Variants in NTRK2 observed in about 807,000 individuals in gnomAD.
The protein encoded by NTRK2 is neurotrophic receptor tyrosine kinase 2.
NTRK2 carries 13 observed loss-of-function variants against 94.5 expected under a neutral mutation model. That is an observed-to-expected ratio of 0.14 (90% confidence interval 0.09 to 0.22). The LOEUF is 0.22. NTRK2 is among the 10% of genes least tolerant of loss of function. NTRK2 has a pLI of 1.00. For synonymous variants in NTRK2, 372 were observed against 407.4 expected, an observed-to-expected ratio of 0.91 and a Z score of 1.05; for missense variants, 639 against 1,071.2, an observed-to-expected ratio of 0.60 and a Z score of 5.63.
intron 14 of NTRK2, among the ~76,000 whole-genome samples, chr9:84,883,014 G>A (rs898480186): frequency 6.6e-6 from 1 of 152,074 alleles, no homozygotes; most frequent in Non-Finnish European, 1.5e-5. Context: ...TGATCTGCCC[G>A]CCTCAGCCTC....
chr9:84,941,912 C>G (rs1044228584), intron 15 of NTRK2, among the ~76,000 whole-genome samples: 1 of 152,174 alleles, frequency 6.6e-6, no homozygotes, highest in African/African-American at 2.4e-5. Flanking sequence ...AACTTAACCT[C>G]CTGTTTCCCT....
At chr9:85,012,381 C>T (rs1332785390) in intron 17 of NTRK2, among the ~76,000 whole-genome samples, 1 of 152,086 alleles carries the variant, frequency 6.6e-6, no homozygotes, top group Non-Finnish European at 1.5e-5. Flanking sequence ...TCTTAGCAAA[C>T]ACGGTCACTT....
At chr9:84,964,788 C>T (rs745691601) in intron 17 of NTRK2, among the ~76,000 whole-genome samples, 1 of 152,108 alleles carries the variant, frequency 6.6e-6, no homozygotes, top group Non-Finnish European at 1.5e-5. Flanking sequence ...ACATATGAAG[C>T]CATTTTTTGG....
intron 14 of NTRK2, among the ~76,000 whole-genome samples, chr9:84,923,914 A>C (rs1009721321): frequency 6.6e-6 from 1 of 151,166 alleles, no homozygotes; most frequent in East Asian, 1.9e-4. Context: ...AAAAAAAAAA[A>C]CAACAAAAAC....
rs879305987 is a variant in NTRK2 at position 85,026,930 on chromosome 9, TA to T, written c.*5505del. 0.025 allele frequency: 4,652 copies of T among 187,224 alleles called. 7 individuals carry two copies. Among genetic ancestry groups the T allele is most frequent in the East Asian group, 0.038 (404 of 10,572 alleles). The allele number at this position is 187,224 out of a possible 1,614,324, so 11.6% of individuals were successfully genotyped here. ...CAAAGTGACACCTGAATACAGTGTTTAAAAAAAAAAAAGTTTTGTTTGTAAA... is the reference window on the plus strand; with the variant it reads ...CAAAGTGACACCTGAATACAGTGTTTAAAAAAAAAAAGTTTTGTTTGTAAA... On this transcript the variant is annotated 3_prime_UTR_variant, in exon 19 of 19. Transcript: ENST00000277120.
chr9:84,757,277 CCTT>C (rs2065166980), intron 12 of NTRK2, among the ~76,000 whole-genome samples: 1 of 152,126 alleles, frequency 6.6e-6, no homozygotes, highest in Non-Finnish European at 1.5e-5. Context: ...GTTCCCATCA[CCTT>C]CTTCTGCATG....
rs182452518 is a variant in NTRK2, at chr9:84,832,560, G to A, written c.1397-28480G>A. 3.6e-3 allele frequency among the ~76,000 whole-genome samples: 553 copies of A among 152,290 alleles called. 4 individuals carry two copies. The highest frequency in any genetic ancestry group is 5.3e-3 in the Non-Finnish European group (361 of 68,020). ...GTGTCAGGGCGAGGGAGGTGTAGAA[G>A]CAGCACAGGCCCAGCTGTAATCACA... On this transcript the variant is annotated intron_variant, in intron 12 of 18. Coordinates refer to ENST00000277120, the MANE Select transcript of NTRK2 (RefSeq NM_006180.6).
At position 84,955,142 on chromosome 9, in the gene NTRK2, G is replaced by A. The variant is rs561308211; in HGVS notation, c.1938-141G>A. Reference sequence around the variant, plus strand: ...CACCTTTGTCTCCTCTTCATGCTAAGTCAGGCAGCATCTTTTAGCACCAGC... The same window carrying A: ...CACCTTTGTCTCCTCTTCATGCTAAATCAGGCAGCATCTTTTAGCACCAGC... On this transcript the variant is annotated intron_variant, in intron 16 of 18. Transcript: ENST00000277120. 64 of 723,060 alleles carry A rather than the reference G, an allele frequency of 8.9e-5. 1 individual carries two copies. In the South Asian group the frequency reaches 9.4e-4, roughly 11 times the overall value. The allele number at this position is 723,060 out of a possible 1,614,324, so 44.8% of individuals were successfully genotyped here. A position where few individuals can be genotyped will look rare whatever the true frequency, so the allele number is the denominator to read the frequency against.
At chr9:84,870,664 C>A (rs903433518) in intron 14 of NTRK2, among the ~76,000 whole-genome samples, 1 of 151,768 alleles carries the variant, frequency 6.6e-6, no homozygotes, top group Non-Finnish European at 1.5e-5. Context: ...TACAAATGAG[C>A]TTTTAAAGAA....
chr9:85,007,288 T>C (rs990736697), intron 17 of NTRK2, among the ~76,000 whole-genome samples: 5 of 152,300 alleles, frequency 3.3e-5, no homozygotes, highest in Non-Finnish European at 5.9e-5. Flanking sequence ...GAGGGACCTA[T>C]GCCATCAGAA....
chr9:84,734,583 G>A (rs1194873643), intron 9 of NTRK2, among the ~76,000 whole-genome samples: 1 of 152,184 alleles, frequency 6.6e-6, no homozygotes, highest in East Asian at 1.9e-4. Flanking sequence ...GGGACCTAAT[G>A]GGAGGTAATT....
chr9:84,710,637 G>T lies in NTRK2; in HGVS notation c.429G>T (p.Leu143=). The T allele has an allele frequency of 6.2e-7, 1 of 1,614,106 alleles. No homozygotes were observed. Among genetic ancestry groups the T allele is most frequent in the African/African-American group, 1.3e-5 (1 of 75,022 alleles). The change falls in exon 6 of 19, where the codon CTG becomes CTT. Residue 143 remains leucine (L), a splice_region_variant and synonymous_variant. Coordinates refer to ENST00000277120, the MANE Select transcript of NTRK2 (RefSeq NM_006180.6). ...CTGTTGTCATTTTTGTTCCCTGTAG[G>T]ATCCTGGTGGGCAATCCATTTACAT... is the stretch of plus-strand genomic sequence containing the variant. ...KHFRHLDLSE[L]ILVGNPFTCS...
At chr9:84,846,774 C>A (rs1394324878) in intron 12 of NTRK2, among the ~76,000 whole-genome samples, 4 of 152,198 alleles carry the variant, frequency 2.6e-5, no homozygotes, top group African/African-American at 9.7e-5. Context: ...CCTTGCCATG[C>A]AGGCTGCTGC....
chr9:84,888,367 T>G (rs1418508426), intron 14 of NTRK2, among the ~76,000 whole-genome samples: 1 of 151,576 alleles, frequency 6.6e-6, no homozygotes, highest in Non-Finnish European at 1.5e-5. Context: ...AGAGAACACT[T>G]CGGGAGGACA....
chr9:84,808,253 C>T (rs1010369014), intron 12 of NTRK2, among the ~76,000 whole-genome samples: 2 of 152,098 alleles, frequency 1.3e-5, no homozygotes, highest in Non-Finnish European at 2.9e-5. Flanking sequence ...CCTGGAGGGG[C>T]TTGTGGCAGG....
At chr9:84,819,988 T>G (rs1472286977) in intron 12 of NTRK2, among the ~76,000 whole-genome samples, 2 of 152,168 alleles carry the variant, frequency 1.3e-5, no homozygotes, top group African/African-American at 4.8e-5. Flanking sequence ...TGATCTCATT[T>G]TATCTTCCAT....
chr9:84,935,926 C>T (rs923118936), intron 15 of NTRK2, among the ~76,000 whole-genome samples: 2 of 152,110 alleles, frequency 1.3e-5, no homozygotes, highest in South Asian at 4.1e-4. Context: ...AGTTTGATCA[C>T]ATGTTAGAGC....
intron 14 of NTRK2, chr9:84,876,791 T>C: frequency 9.4e-7 from 1 of 1,061,590 alleles, no homozygotes; most frequent in Non-Finnish European, 1.1e-6. Flanking sequence ...TTGAGCCTTA[T>C]TTAGAAGGCT....
At chr9:84,750,204 T>G (rs1249464190) in intron 11 of NTRK2, among the ~76,000 whole-genome samples, 1 of 152,164 alleles carries the variant, frequency 6.6e-6, no homozygotes, top group Non-Finnish European at 1.5e-5. Context: ...GTGCTAGTAG[T>G]ACTTTCCCCC....
Sources: allele counts gnomAD v4.1 joint callset (sites outside exome capture counted in the v4.1 genomes callset), GRCh38; gene constraint gnomAD v4.1.1; transcripts MANE v1.5; gene names NCBI Gene and HGNC (gene_info 2026-07-23, HGNC 2026-07-21).